Variants in BPIFA2 observed in about 807,000 individuals in gnomAD.
The protein encoded by BPIFA2 is BPI fold-containing family A member 2.
A neutral mutation model predicts 25.7 loss-of-function variants in BPIFA2; 20 were observed. The ratio of observed to expected loss-of-function variants is 0.78; its 90% CI spans 0.55 to 1.13. The LOEUF is 1.13. Among genes scored for constraint, BPIFA2 ranks in the 50% most tolerant of loss-of-function variants. BPIFA2 has a pLI of 0.00. For synonymous variants in BPIFA2, 126 were observed against 124.3 expected (o/e 1.01, Z -0.09); for missense variants, 300 against 298.1 (o/e 1.01, Z -0.05).
chr20:33,173,086 T>G lies in BPIFA2; in HGVS notation c.302+10T>G. ...ACACGGACATTTTTGGGTGAGTTGG[T>G]CCTTCAGGGTGGAGATCTTTGCTCT... On this transcript the variant is annotated intron_variant, in intron 3 of 8. Coordinates refer to ENST00000354932, the MANE Select transcript of BPIFA2 (RefSeq NM_080574.4). 6.2e-7 allele frequency: 1 copy of G among 1,613,026 alleles called. No homozygotes were observed. The highest frequency in any genetic ancestry group is 1.1e-5 in the South Asian group (1 of 90,880).
At chr20:33,172,871 T>C in intron 2 of BPIFA2, 61 bp from the exon 3 acceptor site, 3 of 1,564,496 alleles carry the variant, frequency 1.9e-6, no homozygotes, top group Non-Finnish European at 2.6e-6. Context: ...ACCCGGTACC[T>C]GGAGCATCGT....
chr20:33,175,206 T>TA (rs1031686762), intron 4 of BPIFA2, among the ~76,000 whole-genome samples: 3 of 152,218 alleles, frequency 2.0e-5, no homozygotes, highest in Non-Finnish European at 2.9e-5. Flanking sequence ...TCATATGAGC[T>TA]AAACCCAAGT....
chr20:33,167,979 G>A (rs191797204), upstream of BPIFA2, among the ~76,000 whole-genome samples: 46 of 152,288 alleles, frequency 3.0e-4, no homozygotes, highest in African/African-American at 8.7e-4. Flanking sequence ...ATAGCCATCC[G>A]TTTCAATTCA....
At chr20:33,163,485 A>G (rs8117304), upstream of BPIFA2, among the ~76,000 whole-genome samples, 4,341 of 152,200 alleles carry the variant, frequency 0.029, 184 homozygotes, top group African/African-American at 0.096. Context: ...AGATGAATCG[A>G]AAGGACCCAC....
intron 6 of BPIFA2, among the ~76,000 whole-genome samples, chr20:33,178,777 C>T (rs1382035801): frequency 6.6e-6 from 1 of 152,160 alleles, no homozygotes; most frequent in African/African-American, 2.4e-5. Flanking sequence ...GGCTCTGTGA[C>T]CCACTGAACC....
At chr20:33,171,342 A>G (rs1432982075) in intron 2 of BPIFA2, among the ~76,000 whole-genome samples, 1 of 152,176 alleles carries the variant, frequency 6.6e-6, no homozygotes, top group Admixed American at 6.5e-5. Flanking sequence ...GGCCATTTTC[A>G]TGATATTGTT....
In BPIFA2 at chr20:33,175,451, T is replaced by A; in HGVS notation, c.455T>A (p.Leu152His). 5.0e-6 allele frequency: 8 copies of A among 1,614,012 alleles called. No individual in the cohort carries two copies. The highest frequency in any genetic ancestry group is 6.8e-6 in the Non-Finnish European group (8 of 1,179,900). The change falls in exon 5 of 9, where the codon CTC (leucine) becomes CAC (histidine). Residue 152 changes from leucine (L) to histidine (H), a missense_variant. Physicochemically the swap from Leu to His is moderately conservative, Grantham distance 99. Coordinates refer to ENST00000354932, the MANE Select transcript of BPIFA2 (RefSeq NM_080574.4). The stretch of plus-strand genomic sequence containing the variant: ...ATCAACCTGAAAGCCTCCTTGGACC[T>A]CCTGACCGCAGTCACAATTGAAACT... ...QIINLKASLDLLTAVTIETDP... is the reference protein window; with the variant it reads ...QIINLKASLDHLTAVTIETDP...
At chr20:33,177,049 T>A (rs1271746539) in intron 5 of BPIFA2, among the ~76,000 whole-genome samples, 1 of 152,102 alleles carries the variant, frequency 6.6e-6, no homozygotes. Flanking sequence ...CTTCTTTCAT[T>A]CTTTCAGCCA....
intron 5 of BPIFA2, among the ~76,000 whole-genome samples, chr20:33,177,155 G>A (rs974057063): frequency 2.0e-5 from 3 of 152,162 alleles, no homozygotes; most frequent in African/African-American, 7.2e-5. Flanking sequence ...AGGAGTTCAA[G>A]ACCAGCTTGG....
intron 5 of BPIFA2, 120 bp from the exon 6 acceptor site, chr20:33,178,025 GTC>G: frequency 1.6e-6 from 1 of 629,220 alleles, no homozygotes; most frequent in Non-Finnish European, 2.8e-6. Flanking sequence ...CTGTTAAAGT[GTC>G]TCCATGTCCC....
chr20:33,167,833 C>T (rs965692749), upstream of BPIFA2, among the ~76,000 whole-genome samples: 4 of 152,208 alleles, frequency 2.6e-5, no homozygotes, highest in African/African-American at 9.6e-5. Flanking sequence ...ATTATGGGTC[C>T]TCCTGCCAGG....
intron 3 of BPIFA2, among the ~76,000 whole-genome samples, chr20:33,173,794 G>A (rs747989633): frequency 3.5e-4 from 53 of 152,146 alleles, no homozygotes; most frequent in Admixed American, 5.2e-4. Flanking sequence ...GTGAGTCACC[G>A]TGCCCGGTCC....
At position 33,171,640 on chromosome 20, in the gene BPIFA2, C is replaced by T. The variant is rs191116082; in HGVS notation, c.158-1292C>T. ...TGGCCAACAAACATATGAAAAAAAGCTCATCATCACTGATCATTAGAGAAA... is the reference window on the plus strand; with the variant it reads ...TGGCCAACAAACATATGAAAAAAAGTTCATCATCACTGATCATTAGAGAAA... On this transcript the variant is annotated intron_variant, in intron 2 of 8. Coordinates refer to ENST00000354932, the MANE Select transcript of BPIFA2 (RefSeq NM_080574.4). Among the ~76,000 whole-genome samples, 359 of 152,274 alleles carry T rather than the reference C, an allele frequency of 2.4e-3. 1 individual carries two copies. The highest frequency in any genetic ancestry group is 8.1e-3 in the African/African-American group (338 of 41,548).
At chr20:33,162,397 C>T (rs1366913206) in intron 1 of BPIFA2, among the ~76,000 whole-genome samples, 1 of 152,162 alleles carries the variant, frequency 6.6e-6, no homozygotes, top group African/African-American at 2.4e-5. Flanking sequence ...GGATTAGCAC[C>T]GATTTTAGAG....
Position 33,179,635 on chromosome 20 carries a change from C to T in BPIFA2, c.677C>T (p.Ser226Phe). 1 of 1,613,066 alleles carries T rather than the reference C, an allele frequency of 6.2e-7. No individual in the cohort carries two copies. The highest frequency in any genetic ancestry group is 8.5e-7 in the Non-Finnish European group (1 of 1,179,174). Residue 226 changes from serine (S) to phenylalanine (F), a missense_variant, in exon 7 of 9, where the codon TCC becomes TTC. By Grantham distance (155) the Ser-to-Phe change is radical (BLOSUM62 -2). Transcript: ENST00000354932. ...CCACTGATCCGCATCTTCATCCACT[C>T]CCTGGATGTGAATGTCATTCAGCAG... ...ICPLIRIFIH[S>F]LDVNVIQQVV...
Position 33,175,458 on chromosome 20 carries a change from C to T in BPIFA2, c.462C>T (p.Thr154=), listed in dbSNP as rs145637458. 63 of 1,613,926 alleles carry T rather than the reference C, an allele frequency of 3.9e-5. No homozygotes were observed. In the African/African-American group the frequency reaches 4.5e-4, roughly 12 times the overall value. ...INLKASLDLL[T]AVTIETDPQT... is the part of the protein sequence containing the mutation. ...TGAAAGCCTCCTTGGACCTCCTGAC[C>T]GCAGTCACAATTGAAACTGATCCCC... The change falls in exon 5 of 9, where the codon ACC becomes ACT. Residue 154 remains threonine (T), a synonymous_variant. Coordinates refer to ENST00000354932, the MANE Select transcript of BPIFA2 (RefSeq NM_080574.4).
chr20:33,162,343 G>C, intron 1 of BPIFA2, among the ~76,000 whole-genome samples: 1 of 152,096 alleles, frequency 6.6e-6, no homozygotes, highest in East Asian at 1.9e-4. Context: ...CCAGGATTCT[G>C]CATTCCCCCT....
chr20:33,175,510 G>A lies in BPIFA2; in HGVS notation c.514G>A (p.Gly172Arg), dbSNP rs766850220. The A allele has an allele frequency of 1.2e-6, 2 of 1,614,106 alleles. No homozygotes were observed. Among genetic ancestry groups the A allele is most frequent in the Admixed American group, 1.7e-5 (1 of 60,012 alleles). The change falls in exon 5 of 9, where the codon GGA (glycine) becomes AGA (arginine). Residue 172 changes from glycine (G) to arginine (R), a missense_variant. Gly to Arg is a moderately radical substitution (Grantham distance 125, BLOSUM62 -2). Transcript: ENST00000354932. ...GACACACCAGCCTGTTGCCGTCCTGGGAGAATGCGCCAGTGACCCAACCAG... is the reference window on the plus strand; with the variant it reads ...GACACACCAGCCTGTTGCCGTCCTGAGAGAATGCGCCAGTGACCCAACCAG... ...PQTHQPVAVLGECASDPTSIS... is the reference protein window; with the variant it reads ...PQTHQPVAVLRECASDPTSIS...
At chr20:33,180,279 G>T (rs765250974) in intron 7 of BPIFA2, among the ~76,000 whole-genome samples, 4 of 151,972 alleles carry the variant, frequency 2.6e-5, no homozygotes, top group Non-Finnish European at 5.9e-5. Context: ...AGTCCCTTAG[G>T]CAGTCACTTT....
Sources: gnomAD v4.1 joint callset for allele counts (sites outside exome capture counted in the v4.1 genomes callset) on GRCh38, gnomAD v4.1.1 for gene constraint, MANE v1.5 for transcripts, NCBI Gene and HGNC (gene_info 2026-07-23, HGNC 2026-07-21) for gene names.